Variants in WHAMM observed in about 807,000 individuals in gnomAD.
WHAMM encodes WASP homolog associated with actin, golgi membranes and microtubules, also known as WASP homolog-associated protein with actin, membranes and microtubules.
In WHAMM, 67 loss-of-function variants were observed where a neutral mutation model predicts 76.5. That is an observed-to-expected ratio of 0.88 (90% CI 0.72 to 1.07). WHAMM has a LOEUF of 1.07. Ranked by LOEUF, WHAMM falls within the 50% of genes least tolerant of loss-of-function variation. The probability of loss-of-function intolerance (pLI) is 0.00; values close to 1 mark genes in which losing one functional copy is unlikely to be tolerated. For missense variants in WHAMM, 1,021 were observed against 1,051.1 expected, an observed-to-expected ratio of 0.97 and a Z score of 0.40; for synonymous variants, 419 against 422.1, an observed-to-expected ratio of 0.99 and a Z score of 0.09.
rs761734676 is a variant in WHAMM at position 82,830,933 on chromosome 15, T to TC, written c.1978dup (p.Arg660ProfsTer24). On this transcript the variant is annotated frameshift_variant, in exon 9 of 10. Transcript: ENST00000286760. LOFTEE classifies it high-confidence loss of function. ...CCACCGCCGCCCCCACCCCCTCCTC[T>TC]CCGTGCTCTGTCCTCATCCTCTCAA... 815 of 932,664 alleles carry TC rather than the reference T, an allele frequency of 8.7e-4. 2 individuals are homozygous for TC. Among genetic ancestry groups the TC allele is most frequent in the Non-Finnish European group, 1.1e-3 (717 of 653,148 alleles). The allele number at this position is 932,664 out of a possible 1,614,324, so 57.8% of individuals were successfully genotyped here.
At chr15:82,822,287 C>G (rs996649809) in intron 5 of WHAMM, among the ~76,000 whole-genome samples, 2 of 152,116 alleles carry the variant, frequency 1.3e-5, no homozygotes, top group African/African-American at 4.8e-5. Context: ...AAATATTTAT[C>G]TGCTAAGGAA....
rs1435806095 is a variant in WHAMM at position 82,809,983 on chromosome 15, G to A, written c.257G>A (p.Gly86Glu). 3.9e-6 allele frequency: 5 copies of A among 1,286,470 alleles called. No individual in the cohort carries two copies. Among genetic ancestry groups the A allele is most frequent in the Non-Finnish European group, 4.9e-6 (5 of 1,018,236 alleles). The allele number at this position is 1,286,470 out of a possible 1,614,324, so 79.7% of individuals were successfully genotyped here. Reference sequence around the variant, plus strand: ...TGGGCCGGCCTGCTCTCGGCCGCGGGGCTCCGCGGCGCGCACCGGCAGTTG... The same window carrying A: ...TGGGCCGGCCTGCTCTCGGCCGCGGAGCTCCGCGGCGCGCACCGGCAGTTG... ...SSWAGLLSAA[G>E]LRGAHRQLAA... Residue 86 changes from glycine (G) to glutamate (E), a missense_variant, in exon 1 of 10, where the codon GGG becomes GAG. Transcript: ENST00000286760.
rs765884234 is a variant in WHAMM, at chr15:82,810,198, G to A, written c.472G>A (p.Asp158Asn). 1.2e-5 allele frequency: 17 copies of A among 1,407,194 alleles called. No homozygotes were observed. The highest frequency in any genetic ancestry group is 2.6e-4 in the Middle Eastern group (1 of 3,842). The allele number at this position is 1,407,194 out of a possible 1,614,324, so 87.2% of individuals were successfully genotyped here. Residue 158 changes from aspartate (D) to asparagine (N), a missense_variant, in exon 1 of 10, where the codon GAC becomes AAC. Around this residue, in one of 3 missense-constraint regions of WHAMM, gnomAD observed 501 missense variants for 524.9 expected, o/e 0.95. Transcript: ENST00000286760. ...QLERYLGAAA[D>N]GCGGATVRDA... The stretch of plus-strand genomic sequence containing the variant: ...GGAACGCTATCTGGGCGCGGCGGCC[G>A]ACGGCTGCGGCGGCGCCACAGTGCG...
intron 6 of WHAMM, among the ~76,000 whole-genome samples, chr15:82,824,996 G>A (rs764125000): frequency 2.0e-5 from 3 of 152,148 alleles, no homozygotes; most frequent in East Asian, 1.9e-4. Flanking sequence ...TCTATGGTGC[G>A]CACCTATAGT....
At chr15:82,818,276 C>G (rs1411929478) in intron 4 of WHAMM, among the ~76,000 whole-genome samples, 187 bp downstream of exon 4, 1 of 152,112 alleles carries the variant, frequency 6.6e-6, no homozygotes, top group Non-Finnish European at 1.5e-5. Context: ...TCTCATCCCC[C>G]CTCCCACCCT....
At chr15:82,815,155 A>ATATATATATATAAATAAT (rs55807384) in intron 2 of WHAMM, among the ~76,000 whole-genome samples, 2 of 46,138 alleles carry the variant, frequency 4.3e-5, no homozygotes, top group African/African-American at 1.8e-4. Context: ...ATATATATAT[A>ATATATATATATAAATAAT]GTACAATTCA....
At position 82,816,698 on chromosome 15, in the gene WHAMM, T is replaced by C. The variant is rs751443312; in HGVS notation, c.790T>C (p.Leu264=). ...TTTTCCCTTCTGTCTGTAGAAGTCTTTGGATGAGGATGACCTAGGTCCTAG... is the reference window on the plus strand; with the variant it reads ...TTTTCCCTTCTGTCTGTAGAAGTCTCTGGATGAGGATGACCTAGGTCCTAG... The part of the protein sequence containing the change: ...TLCKLDILKS[L]DEDDLGPRRV... The change falls in exon 3 of 10, where the codon TTG becomes CTG. Residue 264 remains leucine (L), a synonymous_variant. Transcript: ENST00000286760. 4.8e-5 allele frequency: 75 copies of C among 1,551,624 alleles called. No individual in the cohort carries two copies. The highest frequency in any genetic ancestry group is 1.6e-5 in the Non-Finnish European group (18 of 1,147,566).
intron 3 of WHAMM, among the ~76,000 whole-genome samples, chr15:82,817,638 A>C (rs2050748516): frequency 6.6e-6 from 1 of 152,230 alleles, no homozygotes; most frequent in Non-Finnish European, 1.5e-5. Context: ...CTGTCTGTCT[A>C]GCTAGACATA....
intron 3 of WHAMM, among the ~76,000 whole-genome samples, chr15:82,817,577 T>C (rs1415192077): frequency 2.6e-5 from 4 of 152,176 alleles, no homozygotes; most frequent in Admixed American, 2.6e-4. Context: ...ATCAACAAGA[T>C]AGAAAGCAGA....
At chr15:82,818,508 T>C (rs1253155759) in intron 4 of WHAMM, among the ~76,000 whole-genome samples, 1 of 152,234 alleles carries the variant, frequency 6.6e-6, no homozygotes, top group Non-Finnish European at 1.5e-5. Context: ...TGTTTCAAAA[T>C]ACCATATTGT....
At chr15:82,825,209 G>A (rs1289161786) in intron 6 of WHAMM, among the ~76,000 whole-genome samples, 2 of 152,206 alleles carry the variant, frequency 1.3e-5, no homozygotes. Flanking sequence ...TCTGGATTTA[G>A]GAACTGTTAT....
intron 6 of WHAMM, among the ~76,000 whole-genome samples, chr15:82,826,192 C>G (rs2050929342): frequency 6.6e-6 from 1 of 152,196 alleles, no homozygotes; most frequent in Admixed American, 6.5e-5. Flanking sequence ...TGTTTTTCAT[C>G]TCTTAAAGCA....
Position 82,827,901 on chromosome 15 carries a change from C to T in WHAMM, c.1641+1055C>T, listed in dbSNP as rs918188211. ...CAGAGGTTGCAGTGAGCTGAACTTG[C>T]GCCACTGCACTCCAGCCTGAACAAC... On this transcript the variant is annotated intron_variant, in intron 8 of 9. Transcript: ENST00000286760. 3.3e-5 allele frequency among the ~76,000 whole-genome samples: 5 copies of T among 152,066 alleles called. No homozygotes were observed. In the East Asian group the frequency reaches 5.8e-4, roughly 18 times the overall value.
Position 82,818,029 on chromosome 15 carries a change from G to C in WHAMM, c.1044G>C (p.Leu348=), listed in dbSNP as rs574182735. 8 of 1,550,658 alleles carry C rather than the reference G, an allele frequency of 5.2e-6. No homozygotes were observed. In the East Asian group the frequency reaches 1.2e-4, roughly 24 times the overall value. The change falls in exon 4 of 10, where the codon CTG becomes CTC. Residue 348 remains leucine (L), a synonymous_variant. Coordinates refer to ENST00000286760, the MANE Select transcript of WHAMM (RefSeq NM_001080435.3). The part of the protein sequence containing the change: ...KLQLMLARET[L]QLMRAKELCL... ...AGCTAATGCTAGCTCGAGAGACTCT[G>C]CAACTCATGAGAGCGAAAGAGTTGT...
rs2050779061 is a variant in WHAMM, at chr15:82,819,256, C to G, written c.1105-67C>G. ...CAAGGAATAGAAAATAGCTAGAATG[C>G]TTCTAAAGTTTGTTTTTAATATACT... On this transcript the variant is annotated intron_variant, in intron 4 of 9. Transcript: ENST00000286760. 17 of 606,200 alleles carry G rather than the reference C, an allele frequency of 2.8e-5. No individual in the cohort carries two copies. In the East Asian group the frequency reaches 6.7e-4, roughly 24 times the overall value. 37.6% of individuals were successfully genotyped at this position (606,200 alleles called of 1,614,324 possible). A position where few individuals can be genotyped will look rare whatever the true frequency, so the allele number is the denominator to read the frequency against.
chr15:82,828,411 G>T (rs1012195256), intron 8 of WHAMM, among the ~76,000 whole-genome samples: 4 of 152,170 alleles, frequency 2.6e-5, no homozygotes, highest in South Asian at 2.1e-4. Flanking sequence ...CCCTGGATCG[G>T]GGCCTGGGTG....
chr15:82,822,942 G>A (rs2050859332), intron 5 of WHAMM, among the ~76,000 whole-genome samples, 158 bp from the exon 6 acceptor site: 1 of 151,436 alleles, frequency 6.6e-6, no homozygotes, highest in African/African-American at 2.4e-5. Flanking sequence ...ACACATGTGT[G>A]CATGTATATT....
chr15:82,818,990 T>C (rs2050774646), intron 4 of WHAMM, among the ~76,000 whole-genome samples: 1 of 152,246 alleles, frequency 6.6e-6, no homozygotes, highest in Non-Finnish European at 1.5e-5. Context: ...TGACATAATC[T>C]GAACTTAATT....
intron 5 of WHAMM, among the ~76,000 whole-genome samples, chr15:82,820,896 C>CAAAAAA (rs60974626): frequency 3.3e-5 from 4 of 119,668 alleles, no homozygotes; most frequent in Middle Eastern, 4.1e-3. Flanking sequence ...GACTCTGTCT[C>CAAAAAA]AAAAAAAAAA....
Sources: gnomAD v4.1 joint callset for allele counts (sites outside exome capture counted in the v4.1 genomes callset) on GRCh38, gnomAD v4.1.1 for gene constraint, gnomAD v4.1.1 regional missense constraint, MANE v1.5 for transcripts, NCBI Gene and HGNC (gene_info 2026-07-23, HGNC 2026-07-21) for gene names.